Variants in PID1 observed in about 807,000 individuals in gnomAD.
PID1 encodes the protein PTB-containing, cubilin and LRP1-interacting protein.
PID1 carries 10 observed loss-of-function variants against 19.1 expected under a neutral mutation model. That is an observed-to-expected ratio of 0.52 (90% CI 0.32 to 0.89). The LOEUF is 0.89. PID1 is among the 40% of genes least tolerant of loss of function. The pLI, the probability that PID1 is intolerant of heterozygous loss-of-function variation, is 0.03. For synonymous variants in PID1, 130 were observed against 116.0 expected, an observed-to-expected ratio of 1.12 and a Z score of -0.78; for missense variants, 248 against 285.3, an observed-to-expected ratio of 0.87 and a Z score of 0.94.
intron 1 of PID1, among the ~76,000 whole-genome samples, chr2:229,230,148 G>A (rs867393317): frequency 2.0e-5 from 3 of 152,100 alleles, no homozygotes; most frequent in African/African-American, 7.2e-5. Flanking sequence ...CCTGGGAAAC[G>A]GGGCCAATCT....
At chr2:229,233,926 A>G (rs1188774598) in intron 1 of PID1, among the ~76,000 whole-genome samples, 4 of 152,242 alleles carry the variant, frequency 2.6e-5, no homozygotes, top group Non-Finnish European at 5.9e-5. Flanking sequence ...GCATCATGTT[A>G]GGATAGGCAC....
chr2:229,153,283 C>T (rs910423721), intron 2 of PID1, among the ~76,000 whole-genome samples: 1 of 152,154 alleles, frequency 6.6e-6, no homozygotes, highest in Non-Finnish European at 1.5e-5. Flanking sequence ...GAGAATTACA[C>T]GTTGCAGGTT....
At chr2:229,160,804 AT>A (rs1257791341) in intron 1 of PID1, among the ~76,000 whole-genome samples, 1 of 152,190 alleles carries the variant, frequency 6.6e-6, no homozygotes. Context: ...GGGAAATAAA[AT>A]GTGGATTGCT....
At chr2:229,140,487 G>GCGCA (rs1689989166) in intron 2 of PID1, among the ~76,000 whole-genome samples, 1 of 151,120 alleles carries the variant, frequency 6.6e-6, no homozygotes, top group South Asian at 2.1e-4. Flanking sequence ...TTAAAAGAGT[G>GCGCA]CACACACACA....
chr2:229,141,327 G>A (rs1205594860), intron 2 of PID1, among the ~76,000 whole-genome samples: 1 of 152,000 alleles, frequency 6.6e-6, no homozygotes, highest in Admixed American at 6.6e-5. Flanking sequence ...GTTGGGGATG[G>A]GGCTGCAAGG....
At position 229,271,187 on chromosome 2, in the gene PID1, C is replaced by CGTAGGGGGCTGCGAGCA; in HGVS notation, c.-161_-145dup. On this transcript the variant is annotated 5_prime_UTR_variant, in exon 1 of 3. Transcript: ENST00000392055. ...GCGCTGGCCACCGCCGCCGGGTGGG[C>CGTAGGGGGCTGCGAGCA]GTAGGGGGCTGCGAGCAGGAGGAGG... 2 of 842,016 alleles carry CGTAGGGGGCTGCGAGCA rather than the reference C, an allele frequency of 2.4e-6. No homozygotes were observed. Among genetic ancestry groups the CGTAGGGGGCTGCGAGCA allele is most frequent in the Non-Finnish European group, 3.6e-6 (2 of 560,202 alleles). 52.2% of individuals were successfully genotyped at this position (842,016 alleles called of 1,614,324 possible).
intron 1 of PID1, among the ~76,000 whole-genome samples, chr2:229,204,555 A>G (rs1214194073): frequency 6.6e-6 from 1 of 152,098 alleles, no homozygotes; most frequent in Non-Finnish European, 1.5e-5. Flanking sequence ...TTTTGTTTCA[A>G]TAGTATTTGA....
chr2:229,265,636 G>A (rs978404347), intron 1 of PID1, among the ~76,000 whole-genome samples: 4 of 152,176 alleles, frequency 2.6e-5, no homozygotes, highest in Non-Finnish European at 4.4e-5. Context: ...GCTGAAAGAA[G>A]CACACTGCAG....
intron 1 of PID1, among the ~76,000 whole-genome samples, chr2:229,181,931 A>G (rs1690954594): frequency 6.6e-6 from 1 of 152,256 alleles, no homozygotes; most frequent in Non-Finnish European, 1.5e-5. Flanking sequence ...AGTGAAATGT[A>G]TATTACTGAG....
At chr2:229,070,801 G>T (rs984118438) in intron 2 of PID1, among the ~76,000 whole-genome samples, 1 of 152,124 alleles carries the variant, frequency 6.6e-6, no homozygotes, top group African/African-American at 2.4e-5. Context: ...TCCCTGTGTG[G>T]CTTTTCACTG....
intron 2 of PID1, among the ~76,000 whole-genome samples, chr2:229,146,936 T>G (rs1355604877): frequency 6.6e-6 from 1 of 152,168 alleles, no homozygotes; most frequent in Admixed American, 6.5e-5. Context: ...TCCGGGAGCA[T>G]GACCCTGCTG....
intron 2 of PID1, among the ~76,000 whole-genome samples, chr2:229,092,053 A>ACCACTGTACGGTGGTGGT (rs1553561607): frequency 6.9e-6 from 1 of 145,414 alleles, no homozygotes; most frequent in African/African-American, 2.8e-5. Flanking sequence ...AGTTAATGCC[A>ACCACTGTACGGTGGTGGT]ATCGTCCTGG....
intron 2 of PID1, among the ~76,000 whole-genome samples, chr2:229,143,621 C>T (rs151001463): frequency 1.7e-4 from 26 of 152,228 alleles, no homozygotes; most frequent in East Asian, 1.2e-3. Context: ...AGGGATGATA[C>T]GGTTTGGCTG....
At chr2:229,150,008 C>A (rs760442524) in intron 2 of PID1, among the ~76,000 whole-genome samples, 1 of 152,002 alleles carries the variant, frequency 6.6e-6, no homozygotes, top group African/African-American at 2.4e-5. Flanking sequence ...GAGGCCGAGG[C>A]GGGTGGATCA....
chr2:229,135,409 A>G (rs1689839511), intron 2 of PID1, among the ~76,000 whole-genome samples: 1 of 152,244 alleles, frequency 6.6e-6, no homozygotes, highest in South Asian at 2.1e-4. Flanking sequence ...CATAAATTGC[A>G]TAATTCCATA....
At chr2:229,199,809 C>G (rs1691458304) in intron 1 of PID1, among the ~76,000 whole-genome samples, 1 of 149,080 alleles carries the variant, frequency 6.7e-6, no homozygotes, top group Non-Finnish European at 1.5e-5. Flanking sequence ...CCAATCTATC[C>G]CAACAGTTTT....
At chr2:229,157,314 T>C (rs1020545278) in intron 1 of PID1, among the ~76,000 whole-genome samples, 3 of 151,614 alleles carry the variant, frequency 2.0e-5, no homozygotes, top group African/African-American at 4.8e-5. Flanking sequence ...CCTGTAATCC[T>C]AGCTACTTGG....
At chr2:229,165,014 C>A (rs1471549106) in intron 1 of PID1, among the ~76,000 whole-genome samples, 1 of 152,206 alleles carries the variant, frequency 6.6e-6, no homozygotes, top group Non-Finnish European at 1.5e-5. Context: ...GGTGCTCACA[C>A]AGGGCCAGTT....
intron 2 of PID1, among the ~76,000 whole-genome samples, chr2:229,130,237 C>T (rs1388600715): frequency 6.6e-6 from 1 of 152,172 alleles, no homozygotes; most frequent in Non-Finnish European, 1.5e-5. Flanking sequence ...CCAGACAGCC[C>T]TCAGCCCACC....
Sources: gnomAD v4.1 joint callset for allele counts (sites outside exome capture counted in the v4.1 genomes callset) on GRCh38, gnomAD v4.1.1 for gene constraint, MANE v1.5 for transcripts, NCBI Gene and HGNC (gene_info 2026-07-23, HGNC 2026-07-21) for gene names.